The following N4BP1 variants were observed in gnomAD, a reference collection of about 807,000 sequenced individuals.
N4BP1 encodes the protein NEDD4 binding protein 1.
Under a neutral mutation model 70.9 loss-of-function variants are expected in N4BP1, and 21 were observed. The ratio of observed to expected loss-of-function variants is 0.30; its 90% CI spans 0.21 to 0.43. N4BP1 has a LOEUF of 0.43. N4BP1 is among the 20% of genes least tolerant of loss of function. N4BP1 has a pLI of 1.00. For synonymous variants in N4BP1, 387 were observed against 394.6 expected, an observed-to-expected ratio of 0.98 and a Z score of 0.23; for missense variants, 936 against 1,069.4, an observed-to-expected ratio of 0.88 and a Z score of 1.74.
intron 1 of N4BP1, among the ~76,000 whole-genome samples, chr16:48,593,305 T>C (rs1445691222): frequency 6.6e-6 from 1 of 152,220 alleles, no homozygotes; most frequent in Non-Finnish European, 1.5e-5. Flanking sequence ...GTTAACAGTG[T>C]AACATGTATT....
At chr16:48,609,726 C>T in intron 1 of N4BP1, 49 bp downstream of exon 1, 6 of 1,292,142 alleles carry the variant, frequency 4.6e-6, no homozygotes, top group Non-Finnish European at 5.9e-6. Flanking sequence ...AGCCCGGAGA[C>T]CCGGACCGAT....
rs1963856736 is a variant in N4BP1 at position 48,561,545 on chromosome 16, C to G, written c.1098G>C (p.Lys366Asn). ...TAGATGGTCCATACACCTTAATGAC[C>G]TTTTCAACAATTTCTTGGGAGTAGC... ...TMGYSQEIVEKVIKVYGPSTE... is the reference protein window; with the variant it reads ...TMGYSQEIVENVIKVYGPSTE... The change falls in exon 2 of 7, where the codon AAG (lysine) becomes AAC (asparagine). Residue 366 changes from lysine to asparagine, a missense_variant. By Grantham distance (94) the Lys-to-Asn change is moderately conservative (BLOSUM62 0). Coordinates refer to ENST00000262384, the MANE Select transcript of N4BP1 (RefSeq NM_153029.4). The G allele has an allele frequency of 6.2e-7, 1 of 1,613,726 alleles. No individual in the cohort carries two copies. Among genetic ancestry groups the G allele is most frequent in the Non-Finnish European group, 8.5e-7 (1 of 1,179,866 alleles).
chr16:48,568,954 A>G (rs1483800537), intron 1 of N4BP1, among the ~76,000 whole-genome samples: 1 of 152,234 alleles, frequency 6.6e-6, no homozygotes, highest in Non-Finnish European at 1.5e-5. Context: ...TGTCTTCAGC[A>G]GTTATTTCTT....
chr16:48,583,463 T>A (rs1420671680), intron 1 of N4BP1, among the ~76,000 whole-genome samples: 1 of 152,198 alleles, frequency 6.6e-6, no homozygotes, highest in Admixed American at 6.5e-5. Context: ...ATAGGAGGAA[T>A]AAATTCAAGA....
intron 1 of N4BP1, among the ~76,000 whole-genome samples, chr16:48,587,943 G>A (rs555329079): frequency 8.6e-4 from 131 of 152,042 alleles, no homozygotes; most frequent in Non-Finnish European, 1.7e-3. Flanking sequence ...CACTACAGGT[G>A]AAATATGTAG....
intron 1 of N4BP1, among the ~76,000 whole-genome samples, chr16:48,575,381 G>A (rs557906459): frequency 6.6e-6 from 1 of 152,272 alleles, no homozygotes; most frequent in Admixed American, 6.5e-5. Flanking sequence ...AAGGGGGAGG[G>A]GCATGATATA....
intron 1 of N4BP1, among the ~76,000 whole-genome samples, chr16:48,573,224 T>C (rs1964047557): frequency 2.0e-5 from 3 of 152,056 alleles, no homozygotes; most frequent in Admixed American, 2.0e-4. Context: ...AAAACATAAC[T>C]ATATTGGAAA....
In N4BP1 at chr16:48,561,730, G is replaced by C. The variant is rs1428061183; in HGVS notation, c.913C>G (p.Gln305Glu). 2.5e-6 allele frequency: 4 copies of C among 1,612,056 alleles called. No homozygotes were observed. The highest frequency in any genetic ancestry group is 3.4e-6 in the Non-Finnish European group (4 of 1,179,838). The change falls in exon 2 of 7, where the codon CAG becomes GAG. Residue 305 changes from glutamine (Q) to glutamate (E), a missense_variant. This residue lies in a region of N4BP1 where 515 missense variants were observed against 491.7 expected (regional missense o/e 1.05). Coordinates refer to ENST00000262384, the MANE Select transcript of N4BP1 (RefSeq NM_153029.4). ...GCATCGTGTAAAATCTCCCCCTCCT[G>C]AACATTTTCCAAAGAAAACTGCTTC... is the stretch of plus-strand genomic sequence containing the variant. ...TKKQFSLENV[Q>E]EGEILHDAKT...
chr16:48,571,598 C>T (rs1379510326), intron 1 of N4BP1, among the ~76,000 whole-genome samples: 4 of 151,576 alleles, frequency 2.6e-5, no homozygotes, highest in Non-Finnish European at 5.9e-5. Context: ...GAGACTGAAC[C>T]CACAGAACAG....
chr16:48,598,411 G>T (rs1049602305), intron 1 of N4BP1, among the ~76,000 whole-genome samples: 1 of 152,018 alleles, frequency 6.6e-6, no homozygotes, highest in African/African-American at 2.4e-5. Flanking sequence ...ATTTTTAAGG[G>T]ATCATTAATA....
rs528684793 is a variant in N4BP1, at chr16:48,553,417, C to A, written c.2020+122G>T. On this transcript the variant is annotated intron_variant, in intron 3 of 6. Coordinates refer to ENST00000262384, the MANE Select transcript of N4BP1 (RefSeq NM_153029.4). The stretch of plus-strand genomic sequence containing the variant: ...TGTTTTGCTAGGTGCAGTAGATTTA[C>A]AATTTTATTTTTAAAGCCGCTGCCT... 3 of 971,080 alleles carry A rather than the reference C, an allele frequency of 3.1e-6. No individual in the cohort carries two copies. The East Asian group carries it at 9.2e-5, about 30-fold the overall frequency. 60.2% of individuals were successfully genotyped at this position (971,080 alleles called of 1,614,324 possible).
At chr16:48,591,148 T>C (rs533275997) in intron 1 of N4BP1, among the ~76,000 whole-genome samples, 5 of 152,298 alleles carry the variant, frequency 3.3e-5, no homozygotes, top group Non-Finnish European at 7.4e-5. Flanking sequence ...CTAAGCACCT[T>C]CTGGGAAGAG....
Position 48,561,319 on chromosome 16 carries a change from A to T in N4BP1, c.1324T>A (p.Phe442Ile). ...AHTQQNMVEK[F>I]SQLPFKVEAK... is the part of the protein sequence containing the mutation. ...TCCACTTTGAATGGTAACTGAGAAA[A>T]TTTTTCTACCATATTTTGCTGTGTG... The change falls in exon 2 of 7, where the codon TTT becomes ATT. Residue 442 changes from phenylalanine (F) to isoleucine (I), a missense_variant. Coordinates refer to ENST00000262384, the MANE Select transcript of N4BP1 (RefSeq NM_153029.4). The T allele has an allele frequency of 6.2e-7, 1 of 1,613,452 alleles. No homozygotes were observed. Among genetic ancestry groups the T allele is most frequent in the Non-Finnish European group, 8.5e-7 (1 of 1,179,776 alleles).
Position 48,540,953 on chromosome 16 carries a change from A to G in N4BP1, c.*1951T>C, listed in dbSNP as rs1220015147. On this transcript the variant is annotated 3_prime_UTR_variant, in exon 7 of 7. Coordinates refer to ENST00000262384, the MANE Select transcript of N4BP1 (RefSeq NM_153029.4). ...AACCAATGAGCAATCCTTCCTTCCC[A>G]TAGCCGAGAAAGGGAAAGGGGACAG... The G allele has an allele frequency of 6.6e-6, 1 of 152,230 alleles. No homozygotes were observed. Among genetic ancestry groups the G allele is most frequent in the Admixed American group, 6.5e-5 (1 of 15,290 alleles). 9.4% of individuals were successfully genotyped at this position (152,230 alleles called of 1,614,324 possible). A position where few individuals can be genotyped will look rare whatever the true frequency, so the allele number is the denominator to read the frequency against.
intron 1 of N4BP1, among the ~76,000 whole-genome samples, chr16:48,591,390 A>T (rs1288220723): frequency 2.0e-5 from 3 of 152,128 alleles, no homozygotes; most frequent in Non-Finnish European, 4.4e-5. Context: ...TGTAAAAAGA[A>T]GCTGCTTACC....
intron 2 of N4BP1, among the ~76,000 whole-genome samples, chr16:48,554,195 G>C (rs1597093028): frequency 6.6e-6 from 1 of 151,016 alleles, no homozygotes; most frequent in East Asian, 1.9e-4. Context: ...AAAATTAAAA[G>C]AACAGCAACA....
chr16:48,553,529 T>C lies in N4BP1; in HGVS notation c.2020+10A>G, dbSNP rs770649261. The C allele has an allele frequency of 7.9e-6, 12 of 1,525,600 alleles. No individual in the cohort carries two copies. Among genetic ancestry groups the C allele is most frequent in the Non-Finnish European group, 3.5e-6 (4 of 1,139,494 alleles). 94.5% of individuals were successfully genotyped at this position (1,525,600 alleles called of 1,614,324 possible). On this transcript the variant is annotated intron_variant, in intron 3 of 6. Coordinates refer to ENST00000262384, the MANE Select transcript of N4BP1 (RefSeq NM_153029.4). Reference sequence around the variant, plus strand: ...TTCACTAGAAATCTGAAAAAATCAGTTTGCCTCACCTGTGACATTAGGATC... The same window carrying C: ...TTCACTAGAAATCTGAAAAAATCAGCTTGCCTCACCTGTGACATTAGGATC...
At chr16:48,566,026 C>G (rs989950566) in intron 1 of N4BP1, among the ~76,000 whole-genome samples, 10 of 151,988 alleles carry the variant, frequency 6.6e-5, no homozygotes, top group Non-Finnish European at 1.3e-4. Flanking sequence ...TGCTAAGAGA[C>G]TTGTTGATTT....
At chr16:48,551,360 T>G in intron 4 of N4BP1, 26 bp downstream of exon 4, 1 of 1,600,426 alleles carries the variant, frequency 6.2e-7, no homozygotes, top group Non-Finnish European at 8.6e-7. Flanking sequence ...CACTCCAACC[T>G]TAGGAAGGAG....
Sources: gnomAD v4.1 joint callset for allele counts (sites outside exome capture counted in the v4.1 genomes callset) on GRCh38, gnomAD v4.1.1 for gene constraint, gnomAD v4.1.1 regional missense constraint, MANE v1.5 for transcripts, NCBI Gene and HGNC (gene_info 2026-07-23, HGNC 2026-07-21) for gene names.